BRD10: variants seen among roughly 807,000 people sequenced by gnomAD.
BRD10 encodes bromodomain containing 10.
At chr9:5,952,716 C>G in the BRD10 span, among the ~76,000 whole-genome samples, 1 of 152,112 alleles carries the variant, frequency 6.6e-6, no homozygotes, top group African/African-American at 2.4e-5. Context: ...GCTCTAACAT[C>G]TACATTCCCA....
chr9:6,006,666 A>G, the BRD10 span, among the ~76,000 whole-genome samples: 1 of 152,248 alleles, frequency 6.6e-6, no homozygotes, highest in Non-Finnish European at 1.5e-5. Context: ...AGAAAAGATC[A>G]GTAGTATGCA....
chr9:5,934,076 G>C, the BRD10 span, among the ~76,000 whole-genome samples: 1 of 150,400 alleles, frequency 6.6e-6, no homozygotes, highest in Admixed American at 6.6e-5. Context: ...GGTATCGGCA[G>C]TCATATGAAG....
chr9:5,923,269 T>C, the BRD10 span: 1 of 1,611,960 alleles, frequency 6.2e-7, no homozygotes, highest in Non-Finnish European at 8.5e-7. Flanking sequence ...ACAGCTTGCT[T>C]CTAGCCATAG....
chr9:6,007,098 C>A, the BRD10 span: 3 of 1,272,262 alleles, frequency 2.4e-6, no homozygotes, highest in Non-Finnish European at 3.3e-6. Context: ...CACCTATCAG[C>A]GCCGCCCCCA....
chr9:5,925,593 G>C, the BRD10 span, among the ~76,000 whole-genome samples: 1 of 152,030 alleles, frequency 6.6e-6, no homozygotes, highest in Non-Finnish European at 1.5e-5. Context: ...CTAAGCACCA[G>C]TATCTATTTT....
At chr9:5,907,630 T>G in the BRD10 span, among the ~76,000 whole-genome samples, 1 of 152,254 alleles carries the variant, frequency 6.6e-6, no homozygotes, top group Non-Finnish European at 1.5e-5. Flanking sequence ...TACATGTTTC[T>G]TCTTTTAAAT....
the BRD10 span, chr9:5,897,549 T>G: frequency 6.2e-7 from 1 of 1,613,382 alleles, no homozygotes; most frequent in Non-Finnish European, 8.5e-7. Flanking sequence ...GTCTATCTCT[T>G]GGGCCAGGGC....
chr9:5,971,158 G>T, the BRD10 span, among the ~76,000 whole-genome samples: 1 of 146,770 alleles, frequency 6.8e-6, no homozygotes, highest in Non-Finnish European at 1.5e-5. Flanking sequence ...CACATGAAAA[G>T]ATGCTCAGCC....
At chr9:5,920,055 T>A in the BRD10 span, 1 of 1,613,886 alleles carries the variant, frequency 6.2e-7, no homozygotes, top group East Asian at 2.2e-5. Context: ...TGTGGTGATG[T>A]ATGTACTGTG....
At chr9:5,920,698 T>C in the BRD10 span, 2 of 1,613,880 alleles carry the variant, frequency 1.2e-6, no homozygotes, top group African/African-American at 2.7e-5. Context: ...CTGGTACTGC[T>C]GCCGAATGTG....
At chr9:5,886,607 G>A in the BRD10 span, among the ~76,000 whole-genome samples, 8 of 152,220 alleles carry the variant, frequency 5.3e-5, no homozygotes, top group African/African-American at 9.6e-5. Flanking sequence ...AGCTCCTGCT[G>A]TTAGTTTGGG....
At chr9:5,933,012 T>C in the BRD10 span, among the ~76,000 whole-genome samples, 1 of 152,200 alleles carries the variant, frequency 6.6e-6, no homozygotes, top group South Asian at 2.1e-4. Flanking sequence ...AGAATGTGGA[T>C]GTAATAAAAA....
the BRD10 span, among the ~76,000 whole-genome samples, chr9:5,943,580 A>G: frequency 6.6e-6 from 1 of 151,988 alleles, no homozygotes; most frequent in African/African-American, 2.4e-5. Context: ...TACAGAGTAA[A>G]TGACATTTAC....
the BRD10 span, among the ~76,000 whole-genome samples, chr9:5,917,821 C>CCAG: frequency 8.5e-5 from 13 of 152,278 alleles, no homozygotes; most frequent in East Asian, 2.3e-3. Flanking sequence ...CCATGGCACT[C>CCAG]CAGCCTGGAC....
chr9:5,926,060 G>A, the BRD10 span, among the ~76,000 whole-genome samples: 7 of 152,004 alleles, frequency 4.6e-5, no homozygotes, highest in African/African-American at 1.7e-4. Flanking sequence ...TGGGATTACA[G>A]ACACGCGCCA....
the BRD10 span, among the ~76,000 whole-genome samples, chr9:5,896,435 C>T: frequency 3.9e-4 from 60 of 152,302 alleles, no homozygotes; most frequent in African/African-American, 1.4e-3. Context: ...ATGGTTCGCT[C>T]TATCCTGTTT....
chr9:5,998,995 A>G, the BRD10 span, among the ~76,000 whole-genome samples: 3 of 152,052 alleles, frequency 2.0e-5, no homozygotes, highest in Non-Finnish European at 2.9e-5. Context: ...TTATGTTCTT[A>G]TAAGTATTAA....
chr9:6,004,762 T>C, the BRD10 span, among the ~76,000 whole-genome samples: 2 of 152,222 alleles, frequency 1.3e-5, no homozygotes, highest in South Asian at 4.1e-4. Context: ...TAGAATATTG[T>C]TTTGAAACAT....
At chr9:5,883,850 C>G in the BRD10 span, among the ~76,000 whole-genome samples, 1 of 152,116 alleles carries the variant, frequency 6.6e-6, no homozygotes, top group African/African-American at 2.4e-5. Context: ...CATTAATTTT[C>G]TTAAGTAGCC....
Sources: allele counts gnomAD v4.1 joint callset (sites outside exome capture counted in the v4.1 genomes callset), GRCh38; gene constraint gnomAD v4.1.1; transcripts MANE v1.5; gene names NCBI Gene and HGNC (gene_info 2026-07-23, HGNC 2026-07-21).